Variants in NTM observed in about 807,000 individuals in gnomAD.
The protein encoded by NTM is neurotrimin.
Under a neutral mutation model 42.1 loss-of-function variants are expected in NTM, and 13 were observed. That is an observed-to-expected ratio of 0.31 (90% confidence interval 0.20 to 0.49). NTM has a LOEUF of 0.49. Among genes scored for constraint, NTM ranks in the 20% least tolerant of loss-of-function variants. The pLI is 0.99. For synonymous variants in NTM, 187 were observed against 179.2 expected, an observed-to-expected ratio of 1.04 and a Z score of -0.35; for missense variants, 373 against 452.8, an observed-to-expected ratio of 0.82 and a Z score of 1.60.
chr11:132,296,594 T>A (rs930017840), intron 4 of NTM, among the ~76,000 whole-genome samples: 1 of 152,168 alleles, frequency 6.6e-6, no homozygotes, highest in Non-Finnish European at 1.5e-5. Context: ...GACGTCGCCA[T>A]ACTGAGGATT....
chr11:131,942,807 A>T (rs2059939154), intron 2 of NTM, among the ~76,000 whole-genome samples: 1 of 151,940 alleles, frequency 6.6e-6, no homozygotes, highest in South Asian at 2.1e-4. Context: ...TTAGCTGGGC[A>T]TGGTGACACG....
At chr11:132,314,349 T>C (rs1305253310) in intron 6 of NTM, among the ~76,000 whole-genome samples, 2 of 152,174 alleles carry the variant, frequency 1.3e-5, no homozygotes, top group Non-Finnish European at 2.9e-5. Context: ...CCTGGGCACA[T>C]GTGTGAAAAT....
At chr11:131,699,549 A>T (rs115290991) in intron 1 of NTM, among the ~76,000 whole-genome samples, 3,763 of 152,310 alleles carry the variant, frequency 0.025, 151 homozygotes, top group African/African-American at 0.086. Flanking sequence ...GTATTAGTTC[A>T]TTCTCATGCT....
intron 1 of NTM, among the ~76,000 whole-genome samples, chr11:131,609,023 T>C (rs1314778849): frequency 1.3e-5 from 2 of 152,232 alleles, no homozygotes; most frequent in South Asian, 2.1e-4. Context: ...TTTATGGAAA[T>C]AGGCCTATTC....
At chr11:131,631,802 G>A (rs112681580) in intron 1 of NTM, among the ~76,000 whole-genome samples, 3,532 of 152,208 alleles carry the variant, frequency 0.023, 150 homozygotes, top group African/African-American at 0.081. Context: ...CAGGCAACTC[G>A]GCTGCCGTAA....
intron 1 of NTM, among the ~76,000 whole-genome samples, chr11:131,454,269 A>G (rs1950701379): frequency 6.6e-6 from 1 of 152,342 alleles, no homozygotes. Flanking sequence ...TATCATAGGT[A>G]TGTATGTATA....
intron 1 of NTM, among the ~76,000 whole-genome samples, chr11:131,803,553 G>A (rs563497373): frequency 3.0e-4 from 45 of 152,232 alleles, no homozygotes; most frequent in African/African-American, 1.0e-3. Context: ...CAAGCAATCC[G>A]CCCACGTTGG....
intron 1 of NTM, among the ~76,000 whole-genome samples, chr11:131,755,811 C>A (rs1591629190): frequency 6.6e-6 from 1 of 152,194 alleles, no homozygotes; most frequent in South Asian, 2.1e-4. Flanking sequence ...AACTTTGTCT[C>A]CTAATTCATT....
chr11:131,924,194 C>G (rs894264943), intron 2 of NTM, among the ~76,000 whole-genome samples: 2 of 152,178 alleles, frequency 1.3e-5, no homozygotes, highest in African/African-American at 4.8e-5. Context: ...ACACAGACAT[C>G]TGGTGGTGGG....
intron 6 of NTM, 52 bp downstream of exon 6, chr11:132,310,284 CTT>C: frequency 2.6e-6 from 4 of 1,510,284 alleles, no homozygotes; most frequent in Non-Finnish European, 2.7e-6. Context: ...CCAGGAGAAA[CTT>C]TTCCAGGGTC....
chr11:131,818,589 C>T lies in NTM; in HGVS notation c.83-92975C>T, dbSNP rs571767099. ...TAACATCTAGTCAAGCAGAAATACT[C>T]AATTGCCAAAAACAGGCCACACTGA... is the stretch of plus-strand genomic sequence containing the variant. On this transcript the variant is annotated intron_variant, in intron 1 of 8. Coordinates refer to ENST00000683400, the MANE Select transcript of NTM (RefSeq NM_001352005.2). Among the ~76,000 whole-genome samples the T allele has an allele frequency of 4.6e-5, 7 of 152,220 alleles. No homozygotes were observed. In the East Asian group the frequency reaches 9.7e-4, roughly 21 times the overall value.
chr11:132,173,979 A>G (rs1336295869), intron 3 of NTM, among the ~76,000 whole-genome samples: 1 of 152,138 alleles, frequency 6.6e-6, no homozygotes, highest in African/African-American at 2.4e-5. Flanking sequence ...GTGTGTCCTA[A>G]ATGAGTGTGT....
At chr11:131,761,740 C>T (rs942758004) in intron 1 of NTM, among the ~76,000 whole-genome samples, 4 of 151,912 alleles carry the variant, frequency 2.6e-5, no homozygotes, top group South Asian at 2.1e-4. Context: ...ACCTGGCAGG[C>T]GGAGGTTGTG....
At chr11:131,660,290 A>G (rs2067824286) in intron 1 of NTM, 1 of 355,006 alleles carries the variant, frequency 2.8e-6, no homozygotes, top group African/African-American at 2.1e-5. Context: ...GGTTTTCTGT[A>G]GAAGCAGGTC....
chr11:131,812,372 C>A (rs757920196), intron 1 of NTM, among the ~76,000 whole-genome samples: 1 of 152,272 alleles, frequency 6.6e-6, no homozygotes, highest in East Asian at 1.9e-4. Flanking sequence ...TCCAGTTAAG[C>A]ATTCAGGCAT....
intron 2 of NTM, among the ~76,000 whole-genome samples, chr11:131,944,249 C>T (rs1441462660): frequency 6.6e-6 from 1 of 152,208 alleles, no homozygotes; most frequent in Non-Finnish European, 1.5e-5. Context: ...TAAAATCAGA[C>T]ACTGACTTGC....
chr11:132,110,909 A>G (rs1007214954), intron 2 of NTM, among the ~76,000 whole-genome samples: 42 of 151,106 alleles, frequency 2.8e-4, no homozygotes, highest in Admixed American at 2.2e-3. Flanking sequence ...AAATATTTTT[A>G]TAATAAAAAT....
intron 1 of NTM, among the ~76,000 whole-genome samples, chr11:131,828,809 T>C (rs1016503243): frequency 6.6e-6 from 1 of 152,224 alleles, no homozygotes; most frequent in Non-Finnish European, 1.5e-5. Context: ...CTTCCAAGTA[T>C]CAGAGTATCT....
chr11:132,001,957 G>A (rs2069374939), intron 2 of NTM, among the ~76,000 whole-genome samples: 1 of 152,116 alleles, frequency 6.6e-6, no homozygotes, highest in African/African-American at 2.4e-5. Flanking sequence ...GCGAATGAGT[G>A]GATAAGGAGA....
Sources: allele counts gnomAD v4.1 joint callset (sites outside exome capture counted in the v4.1 genomes callset), GRCh38; gene constraint gnomAD v4.1.1; transcripts MANE v1.5; gene names NCBI Gene and HGNC (gene_info 2026-07-23, HGNC 2026-07-21).